The following TTLL1 variants were observed in gnomAD, a reference collection of about 807,000 sequenced individuals.
The protein encoded by TTLL1 is polyglutamylase complex subunit TTLL1.
Under a neutral mutation model 47.8 loss-of-function variants are expected in TTLL1, and 33 were observed. That is an observed-to-expected ratio of 0.69 (90% CI 0.52 to 0.92). The LOEUF (loss-of-function observed/expected upper bound fraction) is 0.92. Ranked by LOEUF, TTLL1 falls within the 40% of genes least tolerant of loss-of-function variation. The pLI, the probability that TTLL1 is intolerant of heterozygous loss-of-function variation, is 0.00. For synonymous variants in TTLL1, 225 were observed against 214.1 expected, an observed-to-expected ratio of 1.05 and a Z score of -0.45; for missense variants, 488 against 547.5, an observed-to-expected ratio of 0.89 and a Z score of 1.08.
intron 8 of TTLL1, among the ~76,000 whole-genome samples, chr22:43,054,967 G>A (rs1256902341): frequency 2.0e-5 from 3 of 150,862 alleles, no homozygotes; most frequent in South Asian, 2.1e-4. Context: ...CTTGTGATCC[G>A]CCCGCCTAGG....
rs576214788 is a variant in TTLL1 at position 43,075,267 on chromosome 22, G to GACTTCATACCCCAGGGTGA, written c.113+188_113+206dup. The stretch of plus-strand genomic sequence containing the variant: ...AGGGTTGCTGTGCTGAAACACCCCG[G>GACTTCATACCCCAGGGTGA]ACTTCATACCCCAGGGTGAACACAG... On this transcript the variant is annotated intron_variant, in intron 3 of 10. Transcript: ENST00000266254. Among the ~76,000 whole-genome samples, 605 of 152,242 alleles carry GACTTCATACCCCAGGGTGA rather than the reference G, an allele frequency of 4.0e-3. 6 individuals are homozygous for GACTTCATACCCCAGGGTGA. The highest frequency in any genetic ancestry group is 0.014 in the African/African-American group (582 of 41,554).
chr22:43,056,896 A>C (rs1927052991), intron 8 of TTLL1, among the ~76,000 whole-genome samples: 1 of 152,138 alleles, frequency 6.6e-6, no homozygotes, highest in Non-Finnish European at 1.5e-5. Flanking sequence ...GGACTCAAGC[A>C]ATCCTCCCAC....
rs1430288823 is a variant in TTLL1, at chr22:43,075,607, TATTAG to T, written c.-4-22_-4-18del. 2.5e-6 allele frequency: 4 copies of T among 1,607,332 alleles called. No individual in the cohort carries two copies. The highest frequency in any genetic ancestry group is 2.6e-6 in the Non-Finnish European group (3 of 1,173,954). Reference sequence around the variant, plus strand: ...GCCATAATCCTGGAAGAGATCAAAATATTAGAGATATGAAACTTCAACAGCTCACT... The same window carrying T: ...GCCATAATCCTGGAAGAGATCAAAATAGATATGAAACTTCAACAGCTCACT... On this transcript the variant is annotated intron_variant, in intron 2 of 10. Coordinates refer to ENST00000266254, the MANE Select transcript of TTLL1 (RefSeq NM_012263.5).
chr22:43,084,961 CCT>C (rs1491444206), intron 1 of TTLL1, among the ~76,000 whole-genome samples: 3 of 108,370 alleles, frequency 2.8e-5, no homozygotes, highest in African/African-American at 9.3e-5. Context: ...AAAGCTGCCA[CCT>C]TTTTTTTTTT....
At chr22:43,086,779 A>G (rs1483469078) in intron 1 of TTLL1, among the ~76,000 whole-genome samples, 1 of 152,200 alleles carries the variant, frequency 6.6e-6, no homozygotes, top group East Asian at 1.9e-4. Flanking sequence ...GGGCAACTGC[A>G]GCAGGCCCCA....
At chr22:43,063,574 C>T (rs754968945) in intron 7 of TTLL1, among the ~76,000 whole-genome samples, 3 of 151,714 alleles carry the variant, frequency 2.0e-5, no homozygotes, top group Non-Finnish European at 2.9e-5. Flanking sequence ...AAGCGATTCT[C>T]CTGCCTCAGC....
chr22:43,073,825 A>ATTTT (rs201227645), intron 3 of TTLL1, among the ~76,000 whole-genome samples: 1 of 143,306 alleles, frequency 7.0e-6, no homozygotes, highest in Non-Finnish European at 1.5e-5. Flanking sequence ...TTATTTATTT[A>ATTTT]TTTATTTATT....
Position 43,064,329 on chromosome 22 carries a change from A to C in TTLL1, c.504-5T>G. 2 of 1,607,226 alleles carry C rather than the reference A, an allele frequency of 1.2e-6. No individual in the cohort carries two copies. The highest frequency in any genetic ancestry group is 1.7e-6 in the Non-Finnish European group (2 of 1,177,586). ...TTATTAGATTGAGACACAAACCTAA[A>C]CATGGCAGAGAAAGTAAAAATTAGA... On this transcript the variant is annotated splice_region_variant and splice_polypyrimidine_tract_variant and intron_variant, in intron 5 of 10. Coordinates refer to ENST00000266254, the MANE Select transcript of TTLL1 (RefSeq NM_012263.5).
chr22:43,043,823 G>T (rs772852131), intron 10 of TTLL1, among the ~76,000 whole-genome samples: 2 of 151,902 alleles, frequency 1.3e-5, no homozygotes, highest in African/African-American at 2.4e-5. Flanking sequence ...TCCTTGTGCA[G>T]TCACCTCCAG....
At chr22:43,049,156 C>G (rs1926396224) in intron 9 of TTLL1, among the ~76,000 whole-genome samples, 1 of 150,706 alleles carries the variant, frequency 6.6e-6, no homozygotes, top group South Asian at 2.1e-4. Context: ...AGGCTGGGAG[C>G]AGTTGCTCAC....
intron 5 of TTLL1, among the ~76,000 whole-genome samples, chr22:43,067,985 T>C (rs1927850705): frequency 6.7e-6 from 1 of 149,240 alleles, no homozygotes; most frequent in Non-Finnish European, 1.5e-5. Context: ...TTTTTTTTTT[T>C]TTGTATTTTT....
intron 8 of TTLL1, among the ~76,000 whole-genome samples, chr22:43,055,283 C>CAA (rs1926925230): frequency 6.6e-6 from 1 of 151,968 alleles, no homozygotes; most frequent in Non-Finnish European, 1.5e-5. Flanking sequence ...CTCAGCCTCT[C>CAA]AAAGTGCTGG....
intron 3 of TTLL1, 183 bp from the exon 4 acceptor site, chr22:43,070,027 C>A (rs749575261): frequency 2.6e-4 from 309 of 1,211,298 alleles, no homozygotes; most frequent in Non-Finnish European, 3.4e-4. Flanking sequence ...AGGGACAGGC[C>A]GGGACCCAAG....
chr22:43,044,483 G>A (rs923110770), intron 10 of TTLL1, among the ~76,000 whole-genome samples: 1 of 152,154 alleles, frequency 6.6e-6, no homozygotes, highest in Non-Finnish European at 1.5e-5. Context: ...CTACAAGCCT[G>A]ACGTCTCTGT....
At chr22:43,048,096 T>C (rs1601656907) in intron 9 of TTLL1, among the ~76,000 whole-genome samples, 1 of 151,848 alleles carries the variant, frequency 6.6e-6, no homozygotes. Flanking sequence ...GGCGGGTGGA[T>C]CACAAGGTCA....
At chr22:43,069,577 C>A in intron 4 of TTLL1, 59 bp downstream of exon 4, 2 of 1,609,332 alleles carry the variant, frequency 1.2e-6, no homozygotes, top group Non-Finnish European at 1.7e-6. Flanking sequence ...GCGCCTCGCG[C>A]CCCAAAGAAA....
At chr22:43,056,709 C>T (rs1030310329) in intron 8 of TTLL1, among the ~76,000 whole-genome samples, 3 of 150,618 alleles carry the variant, frequency 2.0e-5, no homozygotes, top group South Asian at 2.1e-4. Context: ...CTCTTGAACC[C>T]GGGAGGTGGA....
At chr22:43,042,938 C>CTTTTT (rs59595664) in intron 10 of TTLL1, among the ~76,000 whole-genome samples, 2 of 129,742 alleles carry the variant, frequency 1.5e-5, no homozygotes, top group African/African-American at 2.9e-5. Flanking sequence ...GCTGCTTTTT[C>CTTTTT]TTTTTTTTTT....
intron 1 of TTLL1, among the ~76,000 whole-genome samples, chr22:43,088,027 A>G (rs1929349128): frequency 6.6e-6 from 1 of 151,506 alleles, no homozygotes; most frequent in South Asian, 2.1e-4. Context: ...GCGTGCCTGT[A>G]ATCACAGCTA....
Sources: gnomAD v4.1 joint callset for allele counts (sites outside exome capture counted in the v4.1 genomes callset) on GRCh38, gnomAD v4.1.1 for gene constraint, MANE v1.5 for transcripts, NCBI Gene and HGNC (gene_info 2026-07-23, HGNC 2026-07-21) for gene names.